RBM20: variants seen among roughly 807,000 people sequenced by gnomAD.
RBM20 encodes the protein RNA-binding protein 20.
In RBM20, 51 loss-of-function variants were observed where a neutral mutation model predicts 110.1. That is an observed-to-expected ratio of 0.46 (90% CI 0.37 to 0.59). The LOEUF is 0.59. Ranked by LOEUF, RBM20 falls within the 20% of genes least tolerant of loss-of-function variation. The probability of loss-of-function intolerance (pLI) is 0.00; values close to 1 mark genes in which losing one functional copy is unlikely to be tolerated. For missense variants in RBM20, 1,512 were observed against 1,574.9 expected (o/e 0.96, Z 0.68); for synonymous variants, 589 against 618.2 (o/e 0.95, Z 0.70).
intron 13 of RBM20, among the ~76,000 whole-genome samples, chr10:110,833,571 G>A (rs1221384249): frequency 6.6e-6 from 1 of 151,996 alleles, no homozygotes; most frequent in Non-Finnish European, 1.5e-5. Flanking sequence ...AGCCCTTCAG[G>A]GGGCCACATA....
intron 1 of RBM20, among the ~76,000 whole-genome samples, chr10:110,662,110 T>C (rs193015189): frequency 2.0e-3 from 309 of 152,192 alleles, no homozygotes; most frequent in Non-Finnish European, 2.0e-3. Context: ...TTCAGTGGTG[T>C]TGGTGTGGAT....
intron 1 of RBM20, among the ~76,000 whole-genome samples, chr10:110,654,880 G>T (rs1861999035): frequency 6.6e-6 from 1 of 152,184 alleles, no homozygotes; most frequent in Admixed American, 6.5e-5. Context: ...AACTCGTACA[G>T]AGTGCTTTCT....
intron 6 of RBM20, among the ~76,000 whole-genome samples, chr10:110,798,311 A>G (rs1844577347): frequency 6.6e-6 from 1 of 152,242 alleles, no homozygotes; most frequent in South Asian, 2.1e-4. Context: ...TACTTTATGA[A>G]TCGGAGGAAC....
intron 1 of RBM20, among the ~76,000 whole-genome samples, chr10:110,659,981 T>A (rs983995489): frequency 6.6e-6 from 1 of 151,502 alleles, no homozygotes; most frequent in South Asian, 2.1e-4. Flanking sequence ...GCCTGGCTAA[T>A]TTTTTTTGTA....
intron 5 of RBM20, among the ~76,000 whole-genome samples, chr10:110,795,217 A>G (rs1000081816): frequency 6.6e-6 from 1 of 152,204 alleles, no homozygotes; most frequent in Admixed American, 6.5e-5. Flanking sequence ...GTGAACACTC[A>G]CACTAATGGG....
intron 9 of RBM20, among the ~76,000 whole-genome samples, chr10:110,817,623 T>C (rs1357635011): frequency 6.6e-6 from 1 of 152,184 alleles, no homozygotes; most frequent in Non-Finnish European, 1.5e-5. Flanking sequence ...AGTGATTTCT[T>C]AAATGAACAG....
chr10:110,801,507 G>A (rs182149385), intron 7 of RBM20, among the ~76,000 whole-genome samples: 36 of 151,902 alleles, frequency 2.4e-4, no homozygotes, highest in South Asian at 6.2e-4. Flanking sequence ...TTTGCCTGTC[G>A]TGGGAGAGTA....
chr10:110,722,701 A>G (rs1843522397), intron 1 of RBM20, among the ~76,000 whole-genome samples: 1 of 152,146 alleles, frequency 6.6e-6, no homozygotes, highest in Non-Finnish European at 1.5e-5. Flanking sequence ...GCTTGTTTGT[A>G]TGCTTCTATT....
intron 11 of RBM20, among the ~76,000 whole-genome samples, chr10:110,823,212 G>C (rs1844936952): frequency 6.6e-6 from 1 of 152,060 alleles, no homozygotes; most frequent in Admixed American, 6.5e-5. Flanking sequence ...TCAACTGAAG[G>C]CATCAGCAGC....
intron 1 of RBM20, among the ~76,000 whole-genome samples, chr10:110,776,645 C>T (rs1416528671): frequency 1.3e-5 from 2 of 152,216 alleles, no homozygotes; most frequent in East Asian, 3.8e-4. Context: ...TAGAAGGACT[C>T]TTGTGATTAC....
At chr10:110,651,396 G>A (rs1861947592) in intron 1 of RBM20, among the ~76,000 whole-genome samples, 1 of 152,192 alleles carries the variant, frequency 6.6e-6, no homozygotes, top group Non-Finnish European at 1.5e-5. Context: ...TAATGTCAGT[G>A]AACAGGAAAA....
chr10:110,822,455 C>G (rs1844926705), intron 11 of RBM20: 1 of 456,896 alleles, frequency 2.2e-6, no homozygotes, highest in Non-Finnish European at 4.4e-6. Flanking sequence ...AGACTTGTTT[C>G]AGGATATTCT....
intron 1 of RBM20, among the ~76,000 whole-genome samples, chr10:110,720,459 T>C (rs1239626589): frequency 6.6e-6 from 1 of 152,200 alleles, no homozygotes; most frequent in East Asian, 1.9e-4. Flanking sequence ...AACATAGCCA[T>C]GGGCCAGAAG....
At chr10:110,815,326 T>G in intron 9 of RBM20, among the ~76,000 whole-genome samples, 1 of 152,188 alleles carries the variant, frequency 6.6e-6, no homozygotes, top group East Asian at 1.9e-4. Context: ...CAGTAGTCTT[T>G]TTTTGCCCAT....
chr10:110,760,474 C>T (rs1843983633), intron 1 of RBM20, among the ~76,000 whole-genome samples: 3 of 86,314 alleles, frequency 3.5e-5, no homozygotes, highest in South Asian at 9.3e-4. Context: ...TATCTGTTGT[C>T]CAGGCTGGAG....
chr10:110,812,157 G>A, intron 8 of RBM20, 121 bp from the exon 9 acceptor site: 2 of 899,614 alleles, frequency 2.2e-6, no homozygotes, highest in Non-Finnish European at 3.3e-6. Flanking sequence ...AGAGTTGGGA[G>A]TTAAGAGTGT....
chr10:110,701,544 A>G (rs1275191152), intron 1 of RBM20, among the ~76,000 whole-genome samples: 1 of 152,220 alleles, frequency 6.6e-6, no homozygotes, highest in Non-Finnish European at 1.5e-5. Context: ...TGAAAAGTTC[A>G]GGTCCAGCCC....
intron 6 of RBM20, among the ~76,000 whole-genome samples, chr10:110,799,077 A>G (rs1844588330): frequency 1.3e-5 from 2 of 152,224 alleles, no homozygotes; most frequent in African/African-American, 4.8e-5. Context: ...TTAACTCACA[A>G]CAACATGGCC....
At chr10:110,775,465 C>T (rs761262866) in intron 1 of RBM20, among the ~76,000 whole-genome samples, 7 of 152,196 alleles carry the variant, frequency 4.6e-5, no homozygotes, top group African/African-American at 1.7e-4. Flanking sequence ...GATACATCTA[C>T]GCACATTCAC....
Sources: allele counts gnomAD v4.1 joint callset (sites outside exome capture counted in the v4.1 genomes callset), GRCh38; gene constraint gnomAD v4.1.1; transcripts MANE v1.5; gene names NCBI Gene and HGNC (gene_info 2026-07-23, HGNC 2026-07-21).